The following GRK5 variants were observed in gnomAD, a reference collection of about 807,000 sequenced individuals.
The protein encoded by GRK5 is G protein-coupled receptor kinase 5, also known as g protein-coupled receptor kinase GRK5.
A neutral mutation model predicts 78.4 loss-of-function variants in GRK5; 40 were observed. That is an observed-to-expected ratio of 0.51 (90% CI 0.40 to 0.66). GRK5 has a LOEUF of 0.66. Among genes scored for constraint, GRK5 ranks in the 30% least tolerant of loss-of-function variants. The pLI is 0.00. For missense variants in GRK5, 598 were observed against 759.9 expected (o/e 0.79, Z 2.50); for synonymous variants, 289 against 296.8 (o/e 0.97, Z 0.27).
At chr10:119,373,067 C>G (rs1399017438) in intron 2 of GRK5, among the ~76,000 whole-genome samples, 1 of 152,232 alleles carries the variant, frequency 6.6e-6, no homozygotes, top group Non-Finnish European at 1.5e-5. Flanking sequence ...GATCAGTGGA[C>G]TCATCTTGTG....
chr10:119,369,591 A>G (rs1183206990), intron 2 of GRK5, among the ~76,000 whole-genome samples: 5 of 152,052 alleles, frequency 3.3e-5, no homozygotes, highest in Non-Finnish European at 7.4e-5. Flanking sequence ...ATTTGTAAAA[A>G]CTCAAAAATA....
chr10:119,395,204 T>G (rs752137282), intron 3 of GRK5, among the ~76,000 whole-genome samples: 19 of 152,194 alleles, frequency 1.2e-4, no homozygotes, highest in Non-Finnish European at 2.2e-4. Flanking sequence ...CTCCCTGTGA[T>G]CTAAATGATT....
intron 1 of GRK5, among the ~76,000 whole-genome samples, chr10:119,291,962 C>CTTT (rs1554903436): frequency 0.27 from 3,369 of 12,628 alleles, 54 homozygotes; most frequent in East Asian, 0.45. Flanking sequence ...TTCTCCTCCT[C>CTTT]TTCCTCCTTC....
At chr10:119,435,879 C>T (rs919996898) in intron 8 of GRK5, among the ~76,000 whole-genome samples, 2 of 152,206 alleles carry the variant, frequency 1.3e-5, no homozygotes, top group African/African-American at 2.4e-5. Flanking sequence ...AATGGACTTA[C>T]AGTTCCACGT....
Position 119,436,832 on chromosome 10 carries a change from C to A in GRK5, c.920C>A (p.Thr307Asn). 1 of 1,603,336 alleles carries A rather than the reference C, an allele frequency of 6.2e-7. No individual in the cohort carries two copies. The highest frequency in any genetic ancestry group is 8.5e-7 in the Non-Finnish European group (1 of 1,173,700). ...CGLEDLHREN[T>N]VYRDLKPENI... ...TTAGAAGACCTCCACCGTGAGAACACCGTCTACCGGTGAGTGGAAGGCACC... is the reference window on the plus strand; with the variant it reads ...TTAGAAGACCTCCACCGTGAGAACAACGTCTACCGGTGAGTGGAAGGCACC... Residue 307 changes from threonine to asparagine, a missense_variant, in exon 9 of 16, where the codon ACC becomes AAC. By Grantham distance (65) the Thr-to-Asn change is moderately conservative. Transcript: ENST00000392870.
At chr10:119,394,143 GGT>G (rs1851940562) in intron 3 of GRK5, among the ~76,000 whole-genome samples, 2 of 127,480 alleles carry the variant, frequency 1.6e-5, no homozygotes, top group African/African-American at 3.0e-5. Context: ...GGTATCTGTG[GGT>G]ATGTGTGTCT....
intron 1 of GRK5, among the ~76,000 whole-genome samples, chr10:119,218,318 G>A (rs1419030505): frequency 6.6e-6 from 1 of 152,168 alleles, no homozygotes; most frequent in Non-Finnish European, 1.5e-5. Context: ...TCCAGGAAGG[G>A]AAGGGGAGGG....
chr10:119,288,930 A>C (rs1004743568), intron 1 of GRK5, among the ~76,000 whole-genome samples: 1 of 152,116 alleles, frequency 6.6e-6, no homozygotes, highest in Non-Finnish European at 1.5e-5. Flanking sequence ...CCAACCCCCA[A>C]CAGCACTCAG....
chr10:119,282,296 C>T (rs1849775226), intron 1 of GRK5, among the ~76,000 whole-genome samples: 1 of 152,200 alleles, frequency 6.6e-6, no homozygotes. Context: ...ACCATTCTCC[C>T]AGGTCTTCAC....
chr10:119,436,787 C>T lies in GRK5; in HGVS notation c.875C>T (p.Ala292Val), dbSNP rs146569660. 1.5e-5 allele frequency: 25 copies of T among 1,613,680 alleles called. No individual in the cohort carries two copies. Among genetic ancestry groups the T allele is most frequent in the Admixed American group, 6.7e-5 (4 of 59,974 alleles). ...GFEEERALFY[A>V]AEILCGLEDL... ...GAGGAGGAGCGGGCCTTGTTTTATGCGGCAGAGATCCTCTGCGGCTTAGAA... is the reference window on the plus strand; with the variant it reads ...GAGGAGGAGCGGGCCTTGTTTTATGTGGCAGAGATCCTCTGCGGCTTAGAA... Residue 292 changes from alanine to valine, a missense_variant, in exon 9 of 16, where the codon GCG (alanine) becomes GTG (valine). Ala to Val is a moderately conservative substitution (Grantham distance 64, BLOSUM62 0). Transcript: ENST00000392870.
At chr10:119,444,763 G>C (rs1439549061) in intron 12 of GRK5, among the ~76,000 whole-genome samples, 2 of 152,192 alleles carry the variant, frequency 1.3e-5, no homozygotes, top group South Asian at 4.1e-4. Context: ...AACCGAGCCT[G>C]GGAGGGGGGA....
intron 1 of GRK5, among the ~76,000 whole-genome samples, chr10:119,250,390 ACTTTTT>A (rs1188605583): frequency 2.0e-5 from 3 of 151,646 alleles, no homozygotes; most frequent in Admixed American, 6.6e-5. Flanking sequence ...ATTTTCTTTA[ACTTTTT>A]CTTTTTCTTT....
At chr10:119,382,323 A>C (rs1298282626) in intron 3 of GRK5, among the ~76,000 whole-genome samples, 1 of 151,998 alleles carries the variant, frequency 6.6e-6, no homozygotes, top group Admixed American at 6.6e-5. Context: ...CGTTAGAAAC[A>C]CCTGGGGAGC....
intron 2 of GRK5, chr10:119,377,860 G>T (rs1167876903): frequency 6.5e-6 from 1 of 154,398 alleles, no homozygotes; most frequent in Non-Finnish European, 1.5e-5. Context: ...AATAAAAATG[G>T]AATTTGACAC....
At chr10:119,406,476 TC>T (rs10714664) in intron 4 of GRK5, 560,935 of 984,434 alleles carry the variant, frequency 0.57, 163,826 homozygotes, top group Middle Eastern at 0.6. Context: ...ATGGCTCCCT[TC>T]CAAGTACCTG....
chr10:119,289,349 G>A (rs1368044471), intron 1 of GRK5, among the ~76,000 whole-genome samples: 1 of 152,182 alleles, frequency 6.6e-6, no homozygotes, highest in Admixed American at 6.5e-5. Flanking sequence ...ACTTAGGACT[G>A]GACCAGCTAA....
At chr10:119,291,762 A>C (rs1202124029) in intron 1 of GRK5, among the ~76,000 whole-genome samples, 132 of 96,064 alleles carry the variant, frequency 1.4e-3, no homozygotes, top group Middle Eastern at 0.011. Context: ...CCTCTTCCTC[A>C]TCCTCCTCCT....
intron 1 of GRK5, among the ~76,000 whole-genome samples, chr10:119,213,769 C>G (rs1316517512): frequency 2.0e-5 from 3 of 152,140 alleles, no homozygotes; most frequent in Admixed American, 6.5e-5. Flanking sequence ...GGACCCTTCC[C>G]CCACCCCTGC....
chr10:119,331,236 C>A (rs1054677266), intron 2 of GRK5, among the ~76,000 whole-genome samples: 1 of 152,184 alleles, frequency 6.6e-6, no homozygotes, highest in Non-Finnish European at 1.5e-5. Context: ...TGCGTGCTGG[C>A]GTGTGGAAAT....
Sources: allele counts gnomAD v4.1 joint callset (sites outside exome capture counted in the v4.1 genomes callset), GRCh38; gene constraint gnomAD v4.1.1; transcripts MANE v1.5; gene names NCBI Gene and HGNC (gene_info 2026-07-23, HGNC 2026-07-21).